Variants in SYT14 observed in about 807,000 individuals in gnomAD.
SYT14 encodes the protein synaptotagmin-14.
A neutral mutation model predicts 74.2 loss-of-function variants in SYT14; 32 were observed. The observed-to-expected ratio is 0.43, with a 90% CI of 0.33 to 0.58. SYT14 has a LOEUF of 0.58. Ranked by LOEUF, SYT14 falls within the 20% of genes least tolerant of loss-of-function variation. SYT14 has a pLI of 0.05. For missense variants in SYT14, 791 were observed against 981.8 expected (o/e 0.81, Z 2.60); for synonymous variants, 298 against 337.7 (o/e 0.88, Z 1.29).
At chr1:210,133,056 A>G (rs923825018) in intron 7 of SYT14, among the ~76,000 whole-genome samples, 30 of 152,230 alleles carry the variant, frequency 2.0e-4, no homozygotes, top group African/African-American at 5.1e-4. Flanking sequence ...GGACCTTTCT[A>G]TAAGCCAGCT....
chr1:209,944,053 A>G (rs1204380354), intron 1 of SYT14, among the ~76,000 whole-genome samples: 1 of 152,206 alleles, frequency 6.6e-6, no homozygotes, highest in Non-Finnish European at 1.5e-5. Flanking sequence ...TTAGGACTAT[A>G]TTAGAATTGG....
At chr1:210,037,765 G>A (rs1285809284) in intron 5 of SYT14, among the ~76,000 whole-genome samples, 2 of 151,762 alleles carry the variant, frequency 1.3e-5, no homozygotes, top group South Asian at 2.1e-4. Context: ...TCATGGAATC[G>A]ATTTCTAATT....
intron 7 of SYT14, among the ~76,000 whole-genome samples, chr1:210,141,219 T>A (rs547891584): frequency 6.6e-5 from 10 of 152,192 alleles, no homozygotes; most frequent in African/African-American, 2.4e-4. Flanking sequence ...CAAAAGTGTC[T>A]TGTAACTTTC....
At chr1:210,076,585 C>T (rs2081504900) in intron 5 of SYT14, among the ~76,000 whole-genome samples, 2 of 152,068 alleles carry the variant, frequency 1.3e-5, no homozygotes, top group African/African-American at 4.8e-5. Flanking sequence ...CAAGACTAGG[C>T]TGTTTATAAA....
chr1:210,039,603 CA>C (rs1170136340), intron 5 of SYT14, among the ~76,000 whole-genome samples: 6 of 152,156 alleles, frequency 3.9e-5, no homozygotes. Context: ...AGGCACCCTA[CA>C]GGATGGGAGA....
intron 1 of SYT14, among the ~76,000 whole-genome samples, chr1:209,949,022 A>C (rs2102667592): frequency 6.6e-6 from 1 of 152,354 alleles, no homozygotes; most frequent in East Asian, 1.9e-4. Context: ...TAACCACCAC[A>C]TCTAAGTCAA....
At chr1:210,097,040 T>G (rs571283557) in intron 6 of SYT14, among the ~76,000 whole-genome samples, 3 of 152,234 alleles carry the variant, frequency 2.0e-5, no homozygotes, top group Non-Finnish European at 4.4e-5. Context: ...TGGAATTTCC[T>G]CCGTCCTGCT....
intron 7 of SYT14, among the ~76,000 whole-genome samples, chr1:210,120,365 G>GTTTTTTTT (rs371047537): frequency 1.5e-5 from 2 of 131,708 alleles, no homozygotes; most frequent in Admixed American, 7.2e-5. Flanking sequence ...TGTTTTTGCT[G>GTTTTTTTT]TTTTTTTTTT....
At chr1:209,971,644 A>G (rs757391867) in intron 2 of SYT14, among the ~76,000 whole-genome samples, 2 of 152,286 alleles carry the variant, frequency 1.3e-5, no homozygotes, top group Non-Finnish European at 1.5e-5. Flanking sequence ...TGAGATGATC[A>G]TGCAGTTTTT....
rs11119396 is a variant in SYT14 at position 210,026,638 on chromosome 1, A to T, written c.1312+5384A>T. Reference sequence around the variant, plus strand: ...CACACACACACACACACACACACACACACACTCACCCCTACTTGTCATTCT... The same window carrying T: ...CACACACACACACACACACACACACTCACACTCACCCCTACTTGTCATTCT... On this transcript the variant is annotated intron_variant, in intron 5 of 9. Coordinates refer to ENST00000637265, the Ensembl canonical transcript of SYT14. 3.8e-4 allele frequency among the ~76,000 whole-genome samples: 57 copies of T among 151,276 alleles called. No individual in the cohort carries two copies. In the East Asian group the frequency reaches 5.1e-3, roughly 14 times the overall value.
intron 2 of SYT14, among the ~76,000 whole-genome samples, chr1:210,006,145 A>T (rs1264355259): frequency 1.3e-5 from 2 of 151,902 alleles, no homozygotes; most frequent in Admixed American, 6.5e-5. Context: ...GTTACTCACC[A>T]GTGAATTGTG....
intron 5 of SYT14, among the ~76,000 whole-genome samples, chr1:210,055,862 A>G (rs2081086508): frequency 6.6e-6 from 1 of 152,144 alleles, no homozygotes. Context: ...ATTTAAGTCA[A>G]AGTGAGTTCT....
intron 5 of SYT14, among the ~76,000 whole-genome samples, chr1:210,021,633 C>G (rs1487390368): frequency 2.0e-5 from 3 of 152,134 alleles, no homozygotes; most frequent in Non-Finnish European, 4.4e-5. Flanking sequence ...GAATATGATT[C>G]CAGTGTGTAA....
intron 7 of SYT14, among the ~76,000 whole-genome samples, chr1:210,155,063 T>A (rs914330537): frequency 1.3e-5 from 2 of 152,162 alleles, no homozygotes; most frequent in African/African-American, 4.8e-5. Flanking sequence ...ATTTTTGCTT[T>A]CTGTATTTTG....
At chr1:209,990,623 TATG>T (rs537055275) in intron 2 of SYT14, among the ~76,000 whole-genome samples, 11 of 122,538 alleles carry the variant, frequency 9.0e-5, no homozygotes, top group Non-Finnish European at 2.0e-4. Flanking sequence ...TTTCTTATCA[TATG>T]ATAATACTTG....
At chr1:209,989,785 G>A (rs2079632837) in intron 2 of SYT14, among the ~76,000 whole-genome samples, 1 of 152,026 alleles carries the variant, frequency 6.6e-6, no homozygotes. Flanking sequence ...AATATATTTA[G>A]TAAATACTTC....
intron 5 of SYT14, among the ~76,000 whole-genome samples, chr1:210,025,191 C>T (rs1293932305): frequency 6.6e-6 from 1 of 152,200 alleles, no homozygotes; most frequent in Admixed American, 6.5e-5. Flanking sequence ...TGCGTCTCCA[C>T]CTGGTGGTTG....
chr1:210,050,447 C>A (rs1388854481), intron 5 of SYT14, among the ~76,000 whole-genome samples: 1 of 152,242 alleles, frequency 6.6e-6, no homozygotes, highest in Non-Finnish European at 1.5e-5. Context: ...CTGTCGTCTT[C>A]TGAGCCCTCC....
rs11341932 is a variant in SYT14 at position 210,133,840 on chromosome 1, CTT to C, written c.2035-21866_2035-21865del. 5.8e-3 allele frequency among the ~76,000 whole-genome samples: 752 copies of C among 128,776 alleles called. 12 individuals carry two copies. The highest frequency in any genetic ancestry group is 0.019 in the Admixed American group (251 of 12,926). 84.5% of individuals were successfully genotyped at this position (128,776 alleles called of 152,430 possible). On this transcript the variant is annotated intron_variant, in intron 7 of 9. Coordinates refer to ENST00000637265, the Ensembl canonical transcript of SYT14. ...GTCACAGCTGATTATCTTATTTACT[CTT>C]TTTTTTTTTTTTTTGGAGAGCTTAT...
Sources: gnomAD v4.1 joint callset for allele counts (sites outside exome capture counted in the v4.1 genomes callset) on GRCh38, gnomAD v4.1.1 for gene constraint, MANE v1.5 for transcripts, NCBI Gene and HGNC (gene_info 2026-07-23, HGNC 2026-07-21) for gene names.